The following OTUD7B variants were observed in gnomAD, a reference collection of about 807,000 sequenced individuals.
OTUD7B encodes OTU domain-containing protein 7B.
OTUD7B carries 34 observed loss-of-function variants against 82.2 expected under a neutral mutation model. That is an observed-to-expected ratio of 0.41 (90% CI 0.31 to 0.55). OTUD7B has a LOEUF of 0.55. Ranked by LOEUF, OTUD7B falls within the 20% of genes least tolerant of loss-of-function variation. The pLI is 0.20. For missense variants in OTUD7B, 944 were observed against 1,062.1 expected (o/e 0.89, Z 1.55); for synonymous variants, 398 against 402.7 (o/e 0.99, Z 0.14).
At chr1:150,049,302 C>G in the OTUD7B span, among the ~76,000 whole-genome samples, 79 of 152,258 alleles carry the variant, frequency 5.2e-4, no homozygotes, top group African/African-American at 1.7e-3. Context: ...TTAAATTATT[C>G]TCTATATCTG....
upstream of OTUD7B, among the ~76,000 whole-genome samples, chr1:150,014,283 C>A (rs1488655295): frequency 6.7e-6 from 1 of 149,572 alleles, no homozygotes; most frequent in Non-Finnish European, 1.5e-5. Context: ...GCCTGTGGTC[C>A]CAGCTACTAG....
At chr1:149,986,017 C>A (rs1385237567) in intron 1 of OTUD7B, among the ~76,000 whole-genome samples, 2 of 152,094 alleles carry the variant, frequency 1.3e-5, no homozygotes, top group Non-Finnish European at 2.9e-5. Flanking sequence ...AAATTGCCCA[C>A]TTCTTTCTTG....
the OTUD7B span, among the ~76,000 whole-genome samples, chr1:150,037,413 C>T: frequency 2.2e-3 from 341 of 152,162 alleles, 3 homozygotes; most frequent in Middle Eastern, 6.8e-3. Context: ...AGAAAAGATA[C>T]ACGACATTTT....
At chr1:150,026,260 T>G in the OTUD7B span, among the ~76,000 whole-genome samples, 2 of 152,254 alleles carry the variant, frequency 1.3e-5, no homozygotes, top group African/African-American at 4.8e-5. Context: ...CATTATTTAT[T>G]CTGGGTGGCC....
the OTUD7B span, among the ~76,000 whole-genome samples, chr1:150,046,812 T>C: frequency 6.6e-6 from 1 of 151,714 alleles, no homozygotes; most frequent in African/African-American, 2.4e-5. Flanking sequence ...GGCTCACGCC[T>C]GTAATCCCAG....
At chr1:150,034,736 GCCATTAGATTTGT>G in the OTUD7B span, among the ~76,000 whole-genome samples, 1 of 152,072 alleles carries the variant, frequency 6.6e-6, no homozygotes, top group African/African-American at 2.4e-5. Flanking sequence ...GTATTGTTAT[GCCATTAGATTTGT>G]CCAAAAATAT....
the OTUD7B span, among the ~76,000 whole-genome samples, chr1:150,029,033 T>G: frequency 6.6e-6 from 1 of 152,162 alleles, no homozygotes; most frequent in South Asian, 2.1e-4. Context: ...CTGATGAACA[T>G]TTGGTGAACT....
chr1:150,041,813 C>G, the OTUD7B span, among the ~76,000 whole-genome samples: 1 of 151,956 alleles, frequency 6.6e-6, no homozygotes, highest in African/African-American at 2.4e-5. Flanking sequence ...TTAATTCCAT[C>G]CCCCAACTTT....
In OTUD7B at chr1:149,944,250, C is replaced by A; in HGVS notation, c.2139G>T (p.Arg713Ser). The change falls in exon 12 of 12, where the codon AGG (arginine) becomes AGT (serine). Residue 713 changes from arginine to serine, a missense_variant. Physicochemically the swap from Arg to Ser is moderately radical, Grantham distance 110 (BLOSUM62 -1). This residue lies in a region of OTUD7B where 412 missense variants were observed against 418.7 expected (regional missense o/e 0.98). Coordinates refer to ENST00000581312, the MANE Select transcript of OTUD7B (RefSeq NM_020205.4). ...CGACACATGGACCCCCTGCCAACTG[C>A]CTCCGGGGTTCCTGGCAGTGGACTC... ...GGGVHCQEPR[R>S]QLAGGPCVGG... 1 of 1,611,884 alleles carries A rather than the reference C, an allele frequency of 6.2e-7. No individual in the cohort carries two copies. The highest frequency in any genetic ancestry group is 8.5e-7 in the Non-Finnish European group (1 of 1,178,662).
At chr1:150,046,348 C>T in the OTUD7B span, among the ~76,000 whole-genome samples, 2 of 151,998 alleles carry the variant, frequency 1.3e-5, no homozygotes, top group East Asian at 3.9e-4. Context: ...TGTTGTAAAG[C>T]CTCCTAACTA....
the OTUD7B span, among the ~76,000 whole-genome samples, chr1:150,018,263 C>G: frequency 3.9e-5 from 6 of 152,144 alleles, 2 homozygotes; most frequent in African/African-American, 1.4e-4. Context: ...AACTGAGGCA[C>G]GTTTAAAAAT....
At chr1:149,948,230 C>T (rs1327097208) in intron 10 of OTUD7B, among the ~76,000 whole-genome samples, 1 of 151,808 alleles carries the variant, frequency 6.6e-6, no homozygotes, top group Non-Finnish European at 1.5e-5. Context: ...CTGCCTGCCT[C>T]GGTTGCCTGT....
chr1:149,991,494 C>A (rs1295943162), intron 1 of OTUD7B, among the ~76,000 whole-genome samples: 2 of 152,116 alleles, frequency 1.3e-5, no homozygotes, highest in African/African-American at 4.8e-5. Flanking sequence ...ACATTTGGGT[C>A]TTATGTAGAA....
chr1:149,950,805 T>G (rs1553773239), intron 7 of OTUD7B, among the ~76,000 whole-genome samples: 1 of 144,234 alleles, frequency 6.9e-6, no homozygotes, highest in Non-Finnish European at 1.5e-5. Context: ...TTTTCTTTTT[T>G]TTTTTTGAGA....
intron 1 of OTUD7B, among the ~76,000 whole-genome samples, chr1:149,992,919 G>A (rs1651690132): frequency 6.6e-6 from 1 of 152,150 alleles, no homozygotes; most frequent in South Asian, 2.1e-4. Context: ...GGGAGGCTAA[G>A]ATGGGTGGAT....
At chr1:150,031,651 T>C in the OTUD7B span, among the ~76,000 whole-genome samples, 2 of 152,208 alleles carry the variant, frequency 1.3e-5, no homozygotes, top group Non-Finnish European at 1.5e-5. Context: ...TATAGCATAG[T>C]AGTTAAGAGC....
intron 1 of OTUD7B, among the ~76,000 whole-genome samples, chr1:150,005,769 T>C (rs80290562): frequency 0.022 from 3,335 of 152,038 alleles, 120 homozygotes; most frequent in African/African-American, 0.076. Context: ...AAAGCACAAG[T>C]CCTTTGAGAA....
rs781808905 is a variant in OTUD7B at position 149,965,881 on chromosome 1, G to A, written c.503-3C>T. ...ACTCACCCACCAGTTCAAACGCCCTGTAGAAACAAGATAGTGGAGGAAAAG... is the reference window on the plus strand; with the variant it reads ...ACTCACCCACCAGTTCAAACGCCCTATAGAAACAAGATAGTGGAGGAAAAG... On this transcript the variant is annotated splice_region_variant and splice_polypyrimidine_tract_variant and intron_variant, in intron 4 of 11. Coordinates refer to ENST00000581312, the MANE Select transcript of OTUD7B (RefSeq NM_020205.4). The A allele has an allele frequency of 7.4e-6, 12 of 1,611,204 alleles. 1 individual carries two copies. In the South Asian group the frequency reaches 1.2e-4, roughly 16 times the overall value.
the OTUD7B span, among the ~76,000 whole-genome samples, chr1:150,022,432 T>G: frequency 8.3e-6 from 1 of 119,834 alleles, no homozygotes; most frequent in Non-Finnish European, 1.7e-5. Flanking sequence ...AATAACTACA[T>G]GCTGAAGGTC....
Sources: gnomAD v4.1 joint callset for allele counts (sites outside exome capture counted in the v4.1 genomes callset) on GRCh38, gnomAD v4.1.1 for gene constraint, gnomAD v4.1.1 regional missense constraint, MANE v1.5 for transcripts, NCBI Gene and HGNC (gene_info 2026-07-23, HGNC 2026-07-21) for gene names.